ZNF394: variants seen among roughly 807,000 people sequenced by gnomAD.
ZNF394 encodes zinc finger protein 99.
ZNF394 carries 19 observed loss-of-function variants against 21.8 expected under a neutral mutation model. The observed-to-expected ratio is 0.87, with a 90% CI of 0.61 to 1.28. The LOEUF is 1.28. ZNF394 is among the 50% of genes most tolerant of loss of function. ZNF394 has a pLI of 0.00. For missense variants in ZNF394, 683 were observed against 708.6 expected (o/e 0.96, Z 0.41); for synonymous variants, 294 against 273.3 (o/e 1.08, Z -0.75).
chr7:99,487,523 C>T (rs1562890133), intron 1 of ZNF394: 1 of 1,572,648 alleles, frequency 6.4e-7, no homozygotes, highest in Non-Finnish European at 8.6e-7. Context: ...AGAACTAGAA[C>T]TTATAAACCT....
chr7:99,493,946 G>C lies in ZNF394; in HGVS notation c.1269C>G (p.Phe423Leu), dbSNP rs1345808536. ...PYTCLKCGER[F>L]RQNSHLNRHQ... ...GACGATTTAGGTGTGAATTCTGCCTGAAGCGCTCCCCACATTTCAGACAGG... is the reference window on the plus strand; with the variant it reads ...GACGATTTAGGTGTGAATTCTGCCTCAAGCGCTCCCCACATTTCAGACAGG... Residue 423 changes from phenylalanine (F) to leucine (L), a missense_variant, in exon 3 of 3, where the codon TTC becomes TTG. Around this residue, in one of 3 missense-constraint regions of ZNF394, gnomAD observed 274 missense variants for 314.1 expected, o/e 0.87. Transcript: ENST00000337673. 6.2e-7 allele frequency: 1 copy of C among 1,614,242 alleles called. No individual in the cohort carries two copies. The highest frequency in any genetic ancestry group is 8.5e-7 in the Non-Finnish European group (1 of 1,180,042).
At chr7:99,489,592 T>C (rs1394802218), downstream of ZNF394, among the ~76,000 whole-genome samples, 1 of 152,124 alleles carries the variant, frequency 6.6e-6, no homozygotes, top group Non-Finnish European at 1.5e-5. Flanking sequence ...TTGGGTGACT[T>C]CCCTTCTGTC....
In ZNF394 at chr7:99,498,949, G is replaced by A. The variant is rs922776551; in HGVS notation, c.457-107C>T. ...GGAGTTTGGAGAGATCAGAGATAGA[G>A]GCTGACATTCTCTTGTAATCCTGAA... On this transcript the variant is annotated intron_variant, in intron 1 of 2. Transcript: ENST00000337673. 1.3e-5 allele frequency: 18 copies of A among 1,408,718 alleles called. No individual in the cohort carries two copies. In the African/African-American group the frequency reaches 2.5e-4, roughly 19 times the overall value. The allele number at this position is 1,408,718 out of a possible 1,614,324, so 87.3% of individuals were successfully genotyped here. A position where few individuals can be genotyped will look rare whatever the true frequency, so the allele number is the denominator to read the frequency against.
chr7:99,495,990 C>T (rs1056723190), intron 2 of ZNF394, among the ~76,000 whole-genome samples: 4 of 152,092 alleles, frequency 2.6e-5, no homozygotes, highest in East Asian at 3.9e-4. Flanking sequence ...GGCGTGATCT[C>T]GGCTCACTGC....
chr7:99,495,792 T>C (rs1453409784), intron 2 of ZNF394, among the ~76,000 whole-genome samples: 1 of 151,866 alleles, frequency 6.6e-6, no homozygotes, highest in Non-Finnish European at 1.5e-5. Flanking sequence ...CGGCTAATTT[T>C]TGTATTTTTA....
At position 99,499,590 on chromosome 7, in the gene ZNF394, G is replaced by T. The variant is rs547893313; in HGVS notation, c.456+48C>A. On this transcript the variant is annotated intron_variant, in intron 1 of 2. Transcript: ENST00000337673. ...TCCGAAACGCAGAGCACCCCTAAAC[G>T]CCTATTTTCCACACTCCCACCTCCA... The T allele has an allele frequency of 8.0e-6, 12 of 1,492,432 alleles. No homozygotes were observed. In the African/African-American group the frequency reaches 1.5e-4, roughly 19 times the overall value. The allele number at this position is 1,492,432 out of a possible 1,614,324, so 92.4% of individuals were successfully genotyped here.
intron 1 of ZNF394, among the ~76,000 whole-genome samples, chr7:99,499,398 GAAAAAA>G (rs376340266): frequency 9.7e-6 from 1 of 103,406 alleles, no homozygotes; most frequent in Non-Finnish European, 2.1e-5. Context: ...AGAACAACAA[GAAAAAA>G]AAAAAAAAGA....
chr7:99,498,187 T>G (rs754133155), intron 2 of ZNF394: 1 of 152,686 alleles, frequency 6.5e-6, no homozygotes, highest in East Asian at 1.9e-4. Flanking sequence ...GACCGTGAAA[T>G]AGGTAGAGCT....
At chr7:99,495,115 A>G (rs1236848142) in intron 2 of ZNF394, among the ~76,000 whole-genome samples, 1 of 136,544 alleles carries the variant, frequency 7.3e-6, no homozygotes, top group African/African-American at 2.8e-5. Context: ...AACCTCTGCC[A>G]CCTGGGTTCA....
chr7:99,494,278 G>T lies in ZNF394; in HGVS notation c.937C>A (p.His313Asn). ...KAERPTDSEE[H>N]GNKCKQSFHM... Reference sequence around the variant, plus strand: ...AAACTTTGCTTGCACTTGTTCCCGTGTTCCTCACTGTCAGTGGGCCTCTCT... The same window carrying T: ...AAACTTTGCTTGCACTTGTTCCCGTTTTCCTCACTGTCAGTGGGCCTCTCT... Residue 313 changes from histidine to asparagine, a missense_variant, in exon 3 of 3, where the codon CAC becomes AAC. Physicochemically the swap from His to Asn is moderately conservative, Grantham distance 68. Around this residue, in one of 3 missense-constraint regions of ZNF394, gnomAD observed 274 missense variants for 314.1 expected, o/e 0.87. Coordinates refer to ENST00000337673, the MANE Select transcript of ZNF394 (RefSeq NM_032164.4). 3 of 1,614,238 alleles carry T rather than the reference G, an allele frequency of 1.9e-6. No homozygotes were observed. The highest frequency in any genetic ancestry group is 2.5e-6 in the Non-Finnish European group (3 of 1,180,050).
chr7:99,491,817 G>C (rs1053926862), downstream of ZNF394, among the ~76,000 whole-genome samples: 3 of 142,912 alleles, frequency 2.1e-5, no homozygotes, highest in Admixed American at 2.2e-4. Context: ...GCTCCAGCCT[G>C]TAATCCCAGC....
intron 2 of ZNF394, among the ~76,000 whole-genome samples, chr7:99,495,994 T>G (rs1012795332): frequency 6.6e-6 from 1 of 152,106 alleles, no homozygotes; most frequent in African/African-American, 2.4e-5. Flanking sequence ...TGATCTCGGC[T>G]CACTGCAACC....
At chr7:99,487,412 T>C (rs766911437) in intron 1 of ZNF394, 3 of 1,614,190 alleles carry the variant, frequency 1.9e-6, no homozygotes, top group East Asian at 2.2e-5. Flanking sequence ...CAATGTGTCA[T>C]ATGTGGAAAA....
downstream of ZNF394, among the ~76,000 whole-genome samples, chr7:99,489,776 G>C (rs983718553): frequency 6.6e-6 from 1 of 152,144 alleles, no homozygotes; most frequent in Non-Finnish European, 1.5e-5. Flanking sequence ...TCTCCCTAGA[G>C]CTCAACAATA....
At chr7:99,490,146 C>CTTT (rs943034221), downstream of ZNF394, among the ~76,000 whole-genome samples, 846 of 89,172 alleles carry the variant, frequency 9.5e-3, 11 homozygotes, top group East Asian at 0.023. Context: ...AAAACCTCAT[C>CTTT]TTTTTTTTTT....
At position 99,499,986 on chromosome 7, in the gene ZNF394, A is replaced by G. The variant is rs1299909803; in HGVS notation, c.108T>C (p.Leu36=). ...KDAAPSQRDG[L]LPVKVEEDSP... Reference sequence around the variant, plus strand: ...AGTCTTCCTCCACTTTCACGGGCAAAAGTCCGTCGCGTTGGGACGGCGCCG... The same window carrying G: ...AGTCTTCCTCCACTTTCACGGGCAAGAGTCCGTCGCGTTGGGACGGCGCCG... The change falls in exon 1 of 3, where the codon CTT becomes CTC. Residue 36 remains leucine (L), a synonymous_variant. Transcript: ENST00000337673. 6.2e-7 allele frequency: 1 copy of G among 1,612,602 alleles called. No homozygotes were observed. Among genetic ancestry groups the G allele is most frequent in the Non-Finnish European group, 8.5e-7 (1 of 1,179,914 alleles).
At chr7:99,499,552 T>G in intron 1 of ZNF394, 86 bp downstream of exon 1, 2 of 1,241,668 alleles carry the variant, frequency 1.6e-6, no homozygotes, top group East Asian at 4.7e-5. Flanking sequence ...CGAAATGTAA[T>G]AAGGAAGTAA....
At chr7:99,487,046 A>G in intron 1 of ZNF394, 1 of 1,614,100 alleles carries the variant, frequency 6.2e-7, no homozygotes, top group South Asian at 1.1e-5. Flanking sequence ...AAGAGGATTC[A>G]CACCAAAGAA....
At chr7:99,497,149 T>TATATATATATATAC (rs1800357985) in intron 2 of ZNF394, among the ~76,000 whole-genome samples, 1 of 139,982 alleles carries the variant, frequency 7.1e-6, no homozygotes, top group South Asian at 2.3e-4. Flanking sequence ...TATGTATATA[T>TATATATATATATAC]ATATATAAAA....
Sources: allele counts gnomAD v4.1 joint callset (sites outside exome capture counted in the v4.1 genomes callset), GRCh38; gene constraint gnomAD v4.1.1; regional missense constraint gnomAD v4.1.1; transcripts MANE v1.5; gene names NCBI Gene and HGNC (gene_info 2026-07-23, HGNC 2026-07-21).